The following NBEA variants were observed in gnomAD, a reference collection of about 807,000 sequenced individuals.
NBEA encodes the protein neurobeachin, also known as lysosomal-trafficking regulator 2.
A neutral mutation model predicts 343.4 loss-of-function variants in NBEA; 44 were observed. The ratio of observed to expected loss-of-function variants is 0.13; its 90% CI spans 0.10 to 0.16. The LOEUF is 0.16. Ranked by LOEUF, NBEA falls within the 10% of genes least tolerant of loss-of-function variation. The pLI, the probability that NBEA is intolerant of heterozygous loss-of-function variation, is 1.00. For missense variants in NBEA, 2,555 were observed against 3,631.3 expected (o/e 0.70, Z 7.62); for synonymous variants, 1,175 against 1,238.7 (o/e 0.95, Z 1.08).
intron 1 of NBEA, among the ~76,000 whole-genome samples, chr13:35,021,517 T>C (rs2061838231): frequency 2.0e-5 from 3 of 152,208 alleles, no homozygotes; most frequent in African/African-American, 7.2e-5. Context: ...TCCGTATTTA[T>C]TACATCTGTT....
chr13:35,570,838 T>A (rs1165022463), intron 45 of NBEA, among the ~76,000 whole-genome samples: 1 of 152,174 alleles, frequency 6.6e-6, no homozygotes, highest in African/African-American at 2.4e-5. Context: ...AAATGACATT[T>A]GAAGTATAAT....
chr13:35,108,226 T>C (rs1253906632), intron 11 of NBEA, among the ~76,000 whole-genome samples: 1 of 152,078 alleles, frequency 6.6e-6, no homozygotes, highest in Non-Finnish European at 1.5e-5. Context: ...GGTGATTCTT[T>C]ACCCTATGAC....
Position 35,170,995 on chromosome 13 carries a change from A to G in NBEA, c.4243-277A>G, listed in dbSNP as rs1307798884. On this transcript the variant is annotated intron_variant, in intron 25 of 58. Coordinates refer to ENST00000379939, the MANE Select transcript of NBEA (RefSeq NM_001385012.1). ...TCTGTCTAAATATCTTTGTGAAATG[A>G]TCTTAAGTTTAGGATGTCATTTTTA... 1.6e-5 allele frequency: 8 copies of G among 491,138 alleles called. No homozygotes were observed. In the Middle Eastern group the frequency reaches 1.8e-3, roughly 108 times the overall value. The allele number at this position is 491,138 out of a possible 1,614,324, so 30.4% of individuals were successfully genotyped here.
At chr13:35,415,617 T>C (rs1277755261) in intron 38 of NBEA, among the ~76,000 whole-genome samples, 5 of 152,212 alleles carry the variant, frequency 3.3e-5, no homozygotes, top group African/African-American at 1.2e-4. Flanking sequence ...ACCAGTACCA[T>C]GCTGTTTTGG....
intron 34 of NBEA, among the ~76,000 whole-genome samples, chr13:35,247,785 T>C (rs1222341712): frequency 6.6e-6 from 1 of 152,086 alleles, no homozygotes; most frequent in Non-Finnish European, 1.5e-5. Flanking sequence ...TGCAATTTAG[T>C]CTTGCCTCCT....
At chr13:35,508,264 G>A (rs532648245) in intron 41 of NBEA, among the ~76,000 whole-genome samples, 5 of 152,094 alleles carry the variant, frequency 3.3e-5, no homozygotes, top group Admixed American at 6.5e-5. Context: ...CAATATATTG[G>A]GAAAGTATAA....
intron 44 of NBEA, among the ~76,000 whole-genome samples, chr13:35,560,951 A>G (rs1321478235): frequency 2.6e-5 from 4 of 152,138 alleles, no homozygotes; most frequent in African/African-American, 4.8e-5. Flanking sequence ...CCCTACTGCC[A>G]TAAGTTCTGA....
chr13:35,514,780 A>G (rs2077420962), intron 41 of NBEA, among the ~76,000 whole-genome samples: 1 of 152,120 alleles, frequency 6.6e-6, no homozygotes, highest in South Asian at 2.1e-4. Flanking sequence ...GTGCATTTGT[A>G]GGTGTTTGTG....
At chr13:35,434,961 A>T (rs1180501680) in intron 39 of NBEA, among the ~76,000 whole-genome samples, 3 of 152,232 alleles carry the variant, frequency 2.0e-5, no homozygotes, top group African/African-American at 7.2e-5. Context: ...AGACTGAGAA[A>T]ATATTCCAAA....
chr13:35,495,793 A>G (rs982933696), intron 41 of NBEA, among the ~76,000 whole-genome samples: 3 of 152,074 alleles, frequency 2.0e-5, no homozygotes, highest in African/African-American at 7.2e-5. Flanking sequence ...GATTAAAATA[A>G]TACAAAGATT....
At chr13:35,591,113 T>G (rs915915902) in intron 46 of NBEA, among the ~76,000 whole-genome samples, 3 of 152,098 alleles carry the variant, frequency 2.0e-5, no homozygotes, top group African/African-American at 7.2e-5. Flanking sequence ...TCATTTAATC[T>G]TATTTAATCC....
At position 35,671,957 on chromosome 13, in the gene NBEA, C is replaced by G. The variant is rs552358330; in HGVS notation, c.*966C>G. The G allele has an allele frequency of 5.5e-4, 84 of 152,346 alleles. No individual in the cohort carries two copies. Among genetic ancestry groups the G allele is most frequent in the African/African-American group, 2.0e-3 (84 of 41,446 alleles). 9.4% of individuals were successfully genotyped at this position (152,346 alleles called of 1,614,324 possible). A position where few individuals can be genotyped will look rare whatever the true frequency, so the allele number is the denominator to read the frequency against. Reference sequence around the variant, plus strand: ...TACATTAGGGGAGGATAATCTGATGCTAACTTTTTTTTTCTCTTTGGTTCT... The same window carrying G: ...TACATTAGGGGAGGATAATCTGATGGTAACTTTTTTTTTCTCTTTGGTTCT... On this transcript the variant is annotated 3_prime_UTR_variant, in exon 59 of 59. Coordinates refer to ENST00000379939, the MANE Select transcript of NBEA (RefSeq NM_001385012.1).
chr13:35,080,099 A>G (rs1035833710), intron 10 of NBEA, among the ~76,000 whole-genome samples: 12 of 152,070 alleles, frequency 7.9e-5, no homozygotes, highest in Admixed American at 2.6e-4. Context: ...CTCCCTTTTC[A>G]ATGGTTGCCT....
intron 49 of NBEA, among the ~76,000 whole-genome samples, chr13:35,630,365 C>T (rs2083396022): frequency 6.6e-6 from 1 of 152,020 alleles, no homozygotes; most frequent in South Asian, 2.1e-4. Context: ...TGAAACATTA[C>T]ATAGAAATGT....
intron 45 of NBEA, among the ~76,000 whole-genome samples, chr13:35,572,568 G>C (rs1297137142): frequency 6.6e-6 from 1 of 152,196 alleles, no homozygotes; most frequent in Non-Finnish European, 1.5e-5. Context: ...GCTTTGAAAT[G>C]TGATAATGCA....
chr13:35,204,666 AG>A (rs1030953397), intron 31 of NBEA, among the ~76,000 whole-genome samples: 3 of 151,828 alleles, frequency 2.0e-5, no homozygotes, highest in Non-Finnish European at 4.4e-5. Context: ...AGAGGATTCA[AG>A]GTATCCGTCA....
chr13:35,112,796 T>C (rs1252295674), intron 13 of NBEA, among the ~76,000 whole-genome samples: 2 of 152,162 alleles, frequency 1.3e-5, no homozygotes, highest in African/African-American at 4.8e-5. Context: ...CACATTTTTT[T>C]TCTGATTCGA....
At chr13:35,551,789 A>G (rs2079339348) in intron 43 of NBEA, among the ~76,000 whole-genome samples, 1 of 152,212 alleles carries the variant, frequency 6.6e-6, no homozygotes, top group South Asian at 2.1e-4. Flanking sequence ...TTCAGCTACT[A>G]CATCTTCACA....
chr13:35,004,549 T>A (rs1347814362), intron 1 of NBEA, among the ~76,000 whole-genome samples: 2 of 152,230 alleles, frequency 1.3e-5, no homozygotes, highest in Admixed American at 6.5e-5. Flanking sequence ...ACTAGTTTCT[T>A]TTTTCATTTA....
Sources: allele counts gnomAD v4.1 joint callset (sites outside exome capture counted in the v4.1 genomes callset), GRCh38; gene constraint gnomAD v4.1.1; transcripts MANE v1.5; gene names NCBI Gene and HGNC (gene_info 2026-07-23, HGNC 2026-07-21).